Variants in NAALADL2 observed in about 807,000 individuals in gnomAD.
NAALADL2 encodes the protein inactive N-acetylated-alpha-linked acidic dipeptidase-like protein 2.
Under a neutral mutation model 87.2 loss-of-function variants are expected in NAALADL2, and 76 were observed. The observed-to-expected ratio is 0.87, with a 90% CI of 0.72 to 1.05. The LOEUF is 1.05. Ranked by LOEUF, NAALADL2 falls within the 50% of genes least tolerant of loss-of-function variation. NAALADL2 has a pLI of 0.00. For synonymous variants in NAALADL2, 354 were observed against 331.0 expected (o/e 1.07, Z -0.75); for missense variants, 1,089 against 945.8 (o/e 1.15, Z -1.99).
At chr3:174,738,467 C>CT (rs1402472294) in intron 3 of NAALADL2, among the ~76,000 whole-genome samples, 1 of 152,084 alleles carries the variant, frequency 6.6e-6, no homozygotes, top group East Asian at 1.9e-4. Flanking sequence ...ATTCCTATGC[C>CT]TTGGAGGGTC....
At chr3:175,000,668 T>C in intron 1 of NAALADL2, among the ~76,000 whole-genome samples, 1 of 152,284 alleles carries the variant, frequency 6.6e-6, no homozygotes, top group East Asian at 1.9e-4. Context: ...GAAGCTGGAA[T>C]CCATAATCTT....
rs189502792 is a variant in NAALADL2 at position 175,531,663 on chromosome 3, C to T, written c.1654-44378C>T. 5.3e-5 allele frequency among the ~76,000 whole-genome samples: 8 copies of T among 152,298 alleles called. No homozygotes were observed. The East Asian group carries it at 1.5e-3, about 29-fold the overall frequency. On this transcript the variant is annotated intron_variant, in intron 9 of 13. Transcript: ENST00000454872. Reference sequence around the variant, plus strand: ...TGAAGGCAAATTGCTTCTGGTGGGCCTTATGGACAGGAATGGAGAAAAAGG... The same window carrying T: ...TGAAGGCAAATTGCTTCTGGTGGGCTTTATGGACAGGAATGGAGAAAAAGG...
chr3:175,574,249 T>A (rs1718530197), intron 9 of NAALADL2, among the ~76,000 whole-genome samples: 1 of 152,164 alleles, frequency 6.6e-6, no homozygotes, highest in Non-Finnish European at 1.5e-5. Flanking sequence ...AAAACAACCA[T>A]CTGCAGACTA....
At chr3:174,807,380 A>T (rs190359423) in intron 3 of NAALADL2, among the ~76,000 whole-genome samples, 1 of 152,102 alleles carries the variant, frequency 6.6e-6, no homozygotes, top group African/African-American at 2.4e-5. Context: ...TGCTCATACG[A>T]TGCACTTAGC....
intron 9 of NAALADL2, among the ~76,000 whole-genome samples, chr3:175,493,003 GATATTTATGTGTACAT>G (rs1728316547): frequency 1.3e-5 from 2 of 151,958 alleles, no homozygotes; most frequent in East Asian, 3.9e-4. Context: ...GTTTATAACA[GATATTTATGTGTACAT>G]ATGTTAATGT....
intron 10 of NAALADL2, among the ~76,000 whole-genome samples, chr3:175,591,601 A>G (rs1721459202): frequency 6.6e-6 from 1 of 152,148 alleles, no homozygotes; most frequent in African/African-American, 2.4e-5. Context: ...TAGAACATCC[A>G]GGCATGAGTA....
At chr3:174,911,852 GC>G (rs1425209368) in intron 1 of NAALADL2, among the ~76,000 whole-genome samples, 6 of 152,080 alleles carry the variant, frequency 3.9e-5, no homozygotes, top group Admixed American at 1.3e-4. Context: ...AAGAACCACA[GC>G]CTTTAGAGCG....
intron 3 of NAALADL2, among the ~76,000 whole-genome samples, chr3:174,787,087 AAATAC>A (rs1560224920): frequency 6.6e-6 from 1 of 152,012 alleles, no homozygotes. Flanking sequence ...AAACCAAAGC[AAATAC>A]AATATATTGC....
intron 8 of NAALADL2, among the ~76,000 whole-genome samples, chr3:175,468,306 A>G (rs1226563378): frequency 6.6e-6 from 1 of 152,112 alleles, no homozygotes; most frequent in Non-Finnish European, 1.5e-5. Context: ...GCCATATTCA[A>G]AAGAATTACT....
At chr3:175,536,726 G>A (rs1324608249) in intron 9 of NAALADL2, among the ~76,000 whole-genome samples, 2 of 152,190 alleles carry the variant, frequency 1.3e-5, no homozygotes, top group African/African-American at 4.8e-5. Context: ...TGTTAGCCAG[G>A]ATGGTTGCGA....
chr3:175,801,545 C>CT (rs1175775892), intron 13 of NAALADL2, among the ~76,000 whole-genome samples: 1 of 152,022 alleles, frequency 6.6e-6, no homozygotes, highest in East Asian at 1.9e-4. Flanking sequence ...TCTCTTTTAG[C>CT]TTTTTTACTT....
chr3:174,983,781 T>G (rs899295989), intron 1 of NAALADL2, among the ~76,000 whole-genome samples: 1 of 152,216 alleles, frequency 6.6e-6, no homozygotes, highest in Admixed American at 6.5e-5. Context: ...CATAAATATT[T>G]AGACCATAGC....
intron 6 of NAALADL2, among the ~76,000 whole-genome samples, chr3:175,449,762 A>G (rs546506440): frequency 3.3e-5 from 5 of 152,206 alleles, no homozygotes; most frequent in African/African-American, 7.2e-5. Context: ...CTGCATTTCC[A>G]TAATAAATTA....
intron 6 of NAALADL2, among the ~76,000 whole-genome samples, chr3:175,454,617 G>T (rs1456167984): frequency 6.6e-6 from 1 of 152,036 alleles, no homozygotes; most frequent in Non-Finnish European, 1.5e-5. Context: ...TAGCCTCGTA[G>T]TTTTATTTAC....
chr3:174,800,214 G>T (rs925065621), intron 3 of NAALADL2, among the ~76,000 whole-genome samples: 3 of 152,078 alleles, frequency 2.0e-5, no homozygotes, highest in African/African-American at 7.2e-5. Flanking sequence ...TCACCAAGAC[G>T]ATGGAGAAAA....
In NAALADL2 at chr3:175,810,104, G is replaced by A. The variant is rs1755057303; in HGVS notation, c.*6901G>A. On this transcript the variant is annotated 3_prime_UTR_variant, in exon 14 of 14. Transcript: ENST00000454872. The stretch of plus-strand genomic sequence containing the variant: ...CAGAGATTTCATTGTCATTGTCGTT[G>A]TTGTTAACTGATTTTTAATGATATT... 1 of 151,830 alleles carries A rather than the reference G, an allele frequency of 6.6e-6. No individual in the cohort carries two copies. Among genetic ancestry groups the A allele is most frequent in the Non-Finnish European group, 1.5e-5 (1 of 67,846 alleles). The allele number at this position is 151,830 out of a possible 1,614,324, so 9.4% of individuals were successfully genotyped here.
chr3:175,303,479 A>G (rs568341056), intron 4 of NAALADL2, among the ~76,000 whole-genome samples: 2 of 152,204 alleles, frequency 1.3e-5, no homozygotes, highest in Admixed American at 1.3e-4. Context: ...AATTTCCCAT[A>G]TTTCTGATCT....
At chr3:174,716,896 G>C (rs1175598355) in intron 2 of NAALADL2, among the ~76,000 whole-genome samples, 1 of 152,020 alleles carries the variant, frequency 6.6e-6, no homozygotes, top group Non-Finnish European at 1.5e-5. Context: ...TTTCTGAATT[G>C]TGGAAGAAAA....
chr3:175,069,716 T>A (rs1245208229), intron 1 of NAALADL2, among the ~76,000 whole-genome samples: 1 of 151,982 alleles, frequency 6.6e-6, no homozygotes, highest in Non-Finnish European at 1.5e-5. Context: ...TGCACACATA[T>A]GTTTATTGTG....
Sources: gnomAD v4.1 joint callset for allele counts (sites outside exome capture counted in the v4.1 genomes callset) on GRCh38, gnomAD v4.1.1 for gene constraint, MANE v1.5 for transcripts, NCBI Gene and HGNC (gene_info 2026-07-23, HGNC 2026-07-21) for gene names.